CELF2: variants seen among roughly 807,000 people sequenced by gnomAD.
CELF2 encodes the protein CUG triplet repeat RNA-binding protein 2.
A neutral mutation model predicts 62.6 loss-of-function variants in CELF2; 8 were observed. The observed-to-expected ratio is 0.13, with a 90% confidence interval of 0.07 to 0.23. The LOEUF (loss-of-function observed/expected upper bound fraction) is 0.23. Among genes scored for constraint, CELF2 ranks in the 10% least tolerant of loss-of-function variants. The pLI, the probability that CELF2 is intolerant of heterozygous loss-of-function variation, is 1.00. For synonymous variants in CELF2, 258 were observed against 250.0 expected (o/e 1.03, Z -0.30); for missense variants, 333 against 671.0 (o/e 0.50, Z 5.56).
At chr10:10,572,173 C>T in the CELF2 span, among the ~76,000 whole-genome samples, 1 of 151,804 alleles carries the variant, frequency 6.6e-6, no homozygotes, top group Non-Finnish European at 1.5e-5. Context: ...GTCCCATTTG[C>T]AAGGTTTAAA....
chr10:10,908,214 A>ATTTTGTTTTTTTTTT (rs2063502992), intron 1 of CELF2, among the ~76,000 whole-genome samples: 1 of 83,738 alleles, frequency 1.2e-5, no homozygotes, highest in African/African-American at 4.8e-5. Flanking sequence ...GTATGAGGGG[A>ATTTTGTTTTTTTTTT]TTTTTTTTTT....
chr10:10,637,484 C>T, the CELF2 span, among the ~76,000 whole-genome samples: 1 of 152,158 alleles, frequency 6.6e-6, no homozygotes, highest in Non-Finnish European at 1.5e-5. Context: ...GCAGGGGAAA[C>T]TTTTCACGTC....
At chr10:10,686,317 G>GT in the CELF2 span, among the ~76,000 whole-genome samples, 1 of 76,140 alleles carries the variant, frequency 1.3e-5, no homozygotes, top group Non-Finnish European at 2.4e-5. Flanking sequence ...TTTTGGGGGG[G>GT]GGGGTGGGGT....
chr10:10,734,547 G>A, the CELF2 span, among the ~76,000 whole-genome samples: 1 of 152,260 alleles, frequency 6.6e-6, no homozygotes, highest in Admixed American at 6.5e-5. Flanking sequence ...TGTAACCCAG[G>A]ACGGCTGGCA....
At position 10,983,742 on chromosome 10, in the gene CELF2, AT is replaced by A. The variant is rs1268783276; in HGVS notation, c.89+63748del. Among the ~76,000 whole-genome samples, 3 of 152,000 alleles carry A rather than the reference AT, an allele frequency of 2.0e-5. No individual in the cohort carries two copies. Among genetic ancestry groups the A allele is most frequent in the Non-Finnish European group, 2.9e-5 (2 of 67,952 alleles). On this transcript the variant is annotated intron_variant, in intron 2 of 13. Coordinates refer to the CELF2 transcript ENST00000636488. The surrounding 1 kb of genome is among the most constrained non-coding windows in gnomAD (Gnocchi z 5.2). ...GCCACCACGCCTGGCTAATTTTTGT[AT>A]TTTTAGTAAAAACAGGATTTCACCA...
chr10:10,493,351 G>A, the CELF2 span, among the ~76,000 whole-genome samples: 1 of 152,064 alleles, frequency 6.6e-6, no homozygotes, highest in African/African-American at 2.4e-5. Context: ...TTCTGGAGAT[G>A]CATGGTGGAG....
At chr10:10,877,453 T>C (rs1415671115) in intron 1 of CELF2, among the ~76,000 whole-genome samples, 1 of 152,248 alleles carries the variant, frequency 6.6e-6, no homozygotes, top group Non-Finnish European at 1.5e-5. Context: ...CGTAGGTAGA[T>C]TCCAGACAAA....
the CELF2 span, among the ~76,000 whole-genome samples, chr10:10,693,414 G>C: frequency 6.7e-6 from 1 of 149,306 alleles, no homozygotes; most frequent in Non-Finnish European, 1.5e-5. Context: ...CGTTTTGCCA[G>C]TATTTTATTG....
At chr10:10,943,083 A>G (rs779039678) in intron 2 of CELF2, among the ~76,000 whole-genome samples, 5 of 151,858 alleles carry the variant, frequency 3.3e-5, no homozygotes, top group Non-Finnish European at 5.9e-5. Flanking sequence ...CTGTTAACCA[A>G]CTCCTCTTCC....
the CELF2 span, among the ~76,000 whole-genome samples, chr10:10,520,285 A>T: frequency 7.4e-4 from 113 of 152,324 alleles, no homozygotes; most frequent in South Asian, 1.7e-3. Context: ...CCCTGGTTCA[A>T]CATTCACTGA....
At chr10:11,020,405 A>G (rs1407632815) in intron 1 of CELF2, among the ~76,000 whole-genome samples, 1 of 152,236 alleles carries the variant, frequency 6.6e-6, no homozygotes, top group Non-Finnish European at 1.5e-5. Flanking sequence ...CTCACATTAA[A>G]TACTGTATCT....
chr10:10,957,114 G>A lies in CELF2; in HGVS notation c.89+37115G>A, dbSNP rs893298790. Among the ~76,000 whole-genome samples the A allele has an allele frequency of 6.6e-6, 1 of 152,128 alleles. No homozygotes were observed. Among genetic ancestry groups the A allele is most frequent in the African/African-American group, 2.4e-5 (1 of 41,420 alleles). ...CACAAGGGAGCTCTGGAAGTATTTAGAGGCAGCCACCTTCTCCTCTAATCC... is the reference window on the plus strand; with the variant it reads ...CACAAGGGAGCTCTGGAAGTATTTAAAGGCAGCCACCTTCTCCTCTAATCC... On this transcript the variant is annotated intron_variant, in intron 2 of 13. Coordinates refer to the CELF2 transcript ENST00000636488. The surrounding 1 kb of genome is among the most constrained non-coding windows in gnomAD (Gnocchi z 4.1).
At chr10:11,208,322 C>T (rs2060931155) in intron 2 of CELF2, among the ~76,000 whole-genome samples, 1 of 152,148 alleles carries the variant, frequency 6.6e-6, no homozygotes, top group Admixed American at 6.5e-5. Flanking sequence ...GATGAGATCA[C>T]GGTTTCTGTG....
chr10:10,605,224 G>C, the CELF2 span, among the ~76,000 whole-genome samples: 1 of 151,216 alleles, frequency 6.6e-6, no homozygotes, highest in Non-Finnish European at 1.5e-5. Flanking sequence ...TGAACAATGA[G>C]AACACATGGA....
intron 1 of CELF2, among the ~76,000 whole-genome samples, chr10:11,074,133 T>C (rs1275259924): frequency 6.6e-6 from 1 of 152,206 alleles, no homozygotes; most frequent in Non-Finnish European, 1.5e-5. Context: ...TTCAACCTAT[T>C]TTGTTGCTTT....
At chr10:11,150,318 A>G (rs1207727054) in intron 1 of CELF2, among the ~76,000 whole-genome samples, 1 of 152,216 alleles carries the variant, frequency 6.6e-6, no homozygotes, top group African/African-American at 2.4e-5. Context: ...CCCTCCCAGC[A>G]TAGCAAGTGT....
At chr10:11,303,507 G>A (rs930964262) in intron 9 of CELF2, among the ~76,000 whole-genome samples, 4 of 152,182 alleles carry the variant, frequency 2.6e-5, no homozygotes, top group Non-Finnish European at 4.4e-5. Flanking sequence ...TCCTCCTTCA[G>A]ATACAGACTG....
At chr10:11,064,152 G>A (rs531701254) in intron 1 of CELF2, among the ~76,000 whole-genome samples, 49 of 152,318 alleles carry the variant, frequency 3.2e-4, no homozygotes, top group South Asian at 6.2e-4. Flanking sequence ...TCTTCTCGAA[G>A]TCTAAATGCA....
chr10:10,589,493 G>A, the CELF2 span, among the ~76,000 whole-genome samples: 7 of 152,346 alleles, frequency 4.6e-5, no homozygotes, highest in East Asian at 1.2e-3. Context: ...CATCCATTCA[G>A]ATGGCTGGGG....
Sources: allele counts gnomAD v4.1 joint callset (sites outside exome capture counted in the v4.1 genomes callset), GRCh38; gene constraint gnomAD v4.1.1; non-coding constraint Gnocchi (gnomAD v3.1); transcripts MANE v1.5; gene names NCBI Gene and HGNC (gene_info 2026-07-23, HGNC 2026-07-21).